Variants in PRDM11 observed in about 807,000 individuals in gnomAD.
PRDM11 encodes the protein PR domain-containing protein 11.
Under a neutral mutation model 97.8 loss-of-function variants are expected in PRDM11, and 20 were observed. That is an observed-to-expected ratio of 0.20 (90% CI 0.14 to 0.30). The LOEUF is 0.30. Ranked by LOEUF, PRDM11 falls within the 10% of genes least tolerant of loss-of-function variation. The probability of loss-of-function intolerance (pLI) is 1.00; values close to 1 mark genes in which losing one functional copy is unlikely to be tolerated. For missense variants in PRDM11, 1,139 were observed against 1,555.2 expected, an observed-to-expected ratio of 0.73 and a Z score of 4.50; for synonymous variants, 599 against 637.7, an observed-to-expected ratio of 0.94 and a Z score of 0.91.
At chr11:45,158,480 C>A (rs186625452) in intron 1 of PRDM11, among the ~76,000 whole-genome samples, 13 of 152,356 alleles carry the variant, frequency 8.5e-5, no homozygotes, top group South Asian at 2.1e-4. Context: ...CGGGGCTGGG[C>A]AGGCATTCTT....
intron 1 of PRDM11, among the ~76,000 whole-genome samples, chr11:45,119,737 C>G (rs1852389134): frequency 6.7e-6 from 1 of 149,214 alleles, no homozygotes; most frequent in Non-Finnish European, 1.5e-5. Flanking sequence ...ACAAGATTAT[C>G]AGTCCCTTAC....
At chr11:45,179,120 C>T (rs1162438608) in intron 1 of PRDM11, among the ~76,000 whole-genome samples, 2 of 152,162 alleles carry the variant, frequency 1.3e-5, no homozygotes, top group East Asian at 1.9e-4. Context: ...GAATGGCATA[C>T]AGGTGGGGCT....
intron 1 of PRDM11, among the ~76,000 whole-genome samples, chr11:45,168,458 G>A (rs187761437): frequency 0.011 from 1,700 of 152,292 alleles, 26 homozygotes; most frequent in South Asian, 0.013. Context: ...GTTCAGAAGG[G>A]TAGGGGCTGC....
At chr11:45,209,306 C>T in intron 5 of PRDM11, 1 of 357,656 alleles carries the variant, frequency 2.8e-6, no homozygotes, top group Non-Finnish European at 5.6e-6. Context: ...GTGAGTATCA[C>T]CAGTCCCCCC....
In PRDM11 at chr11:45,219,561, C is replaced by A. The variant is rs1302088745; in HGVS notation, c.555-9C>A. The A allele has an allele frequency of 6.2e-7, 1 of 1,611,058 alleles. No individual in the cohort carries two copies. The highest frequency in any genetic ancestry group is 8.5e-7 in the Non-Finnish European group (1 of 1,177,806). ...CCGTGCGTTCTCACCTGTCTCCCCTCCCCACCAGGTACGTGGTCATCTCCC... is the reference window on the plus strand; with the variant it reads ...CCGTGCGTTCTCACCTGTCTCCCCTACCCACCAGGTACGTGGTCATCTCCC... On this transcript the variant is annotated splice_polypyrimidine_tract_variant and intron_variant, in intron 5 of 7. Transcript: ENST00000683152. This position sits in a 1 kb window ranked among gnomAD's most constrained non-coding sequence, Gnocchi z 4.2.
At chr11:45,177,343 A>G (rs956808621) in intron 1 of PRDM11, among the ~76,000 whole-genome samples, 2 of 152,256 alleles carry the variant, frequency 1.3e-5, no homozygotes, top group African/African-American at 2.4e-5. Flanking sequence ...GGAATCCTCC[A>G]TGAAGCCTGC....
At chr11:45,165,757 A>G (rs1852048832) in intron 1 of PRDM11, among the ~76,000 whole-genome samples, 1 of 152,244 alleles carries the variant, frequency 6.6e-6, no homozygotes, top group Non-Finnish European at 1.5e-5. Context: ...ATGGAAAAAA[A>G]GAACAGTCAC....
In PRDM11 at chr11:45,201,082, C is replaced by G. The variant is rs1853309786; in HGVS notation, c.487-3629C>G. ...TGATTTCAAGCTACTAGCATGAAAT[C>G]ACTGAATGTGCAATTGGGAAGAAAT... On this transcript the variant is annotated intron_variant, in intron 4 of 7. Transcript: ENST00000683152. 2.0e-5 allele frequency among the ~76,000 whole-genome samples: 3 copies of G among 152,110 alleles called. No homozygotes were observed. In the South Asian group the frequency reaches 6.2e-4, roughly 32 times the overall value.
chr11:45,104,647 A>G (rs1448913720), intron 1 of PRDM11, among the ~76,000 whole-genome samples: 3 of 152,176 alleles, frequency 2.0e-5, no homozygotes, highest in Non-Finnish European at 4.4e-5. Flanking sequence ...GCAGAAACAC[A>G]GCCCAGGGAA....
intron 1 of PRDM11, among the ~76,000 whole-genome samples, chr11:45,111,777 G>C (rs1489946895): frequency 6.6e-6 from 1 of 152,070 alleles, no homozygotes; most frequent in Non-Finnish European, 1.5e-5. Context: ...CCATTGAGTT[G>C]GTCCATGAGA....
At chr11:45,142,468 C>T (rs763776131), upstream of PRDM11, among the ~76,000 whole-genome samples, 3 of 152,172 alleles carry the variant, frequency 2.0e-5, no homozygotes, top group African/African-American at 4.8e-5. Context: ...GAGATGCCTT[C>T]CCTGTCCTCA....
Position 45,191,298 on chromosome 11 carries a change from G to A in PRDM11, c.486+8175G>A, listed in dbSNP as rs181649246. Among the ~76,000 whole-genome samples the A allele has an allele frequency of 7.8e-4, 119 of 152,250 alleles. 1 individual carries two copies. The highest frequency in any genetic ancestry group is 2.5e-3 in the Admixed American group (38 of 15,296). On this transcript the variant is annotated intron_variant, in intron 4 of 7. Transcript: ENST00000683152. ...ACGGTGTGCCATCAGGAGGCACCTG[G>A]TGGCAGTTTGTCTTGTCTTTTACTC...
rs80218513 is a variant in PRDM11 at position 45,103,305 on chromosome 11, A to T, written c.96+7404A>T. Among the ~76,000 whole-genome samples the T allele has an allele frequency of 2.5e-3, 388 of 152,332 alleles. 1 individual carries two copies. Among genetic ancestry groups the T allele is most frequent in the African/African-American group, 8.8e-3 (367 of 41,572 alleles). ...CCTTTGGCGCCATCTGATGGTAGAC[A>T]TATGAAACTACAGCAAATGGGGGGA... On this transcript the variant is annotated intron_variant, in intron 1 of 6. Transcript: ENST00000530656.
At chr11:45,138,660 C>G (rs1056980192) in intron 1 of PRDM11, among the ~76,000 whole-genome samples, 1 of 152,148 alleles carries the variant, frequency 6.6e-6, no homozygotes, top group East Asian at 1.9e-4. Flanking sequence ...GGGCAACTCT[C>G]CACTAAGGAA....
At position 45,095,922 on chromosome 11, in the gene PRDM11, A is replaced by C. The variant is rs528958946; in HGVS notation, c.96+21A>C. The C allele has an allele frequency of 6.4e-6, 5 of 780,262 alleles. 1 individual carries two copies. In the Admixed American group the frequency reaches 6.8e-5, roughly 11 times the overall value. The allele number at this position is 780,262 out of a possible 1,614,324, so 48.3% of individuals were successfully genotyped here. On this transcript the variant is annotated intron_variant, in intron 1 of 6. Coordinates refer to the PRDM11 transcript ENST00000530656. ...AGAAAGTAAGTTGTTTAAGCTGCTA[A>C]TGTGGGGGCTCCTCAAAACGCTTGC...
At chr11:45,142,990 A>G (rs2135669392), upstream of PRDM11, among the ~76,000 whole-genome samples, 1 of 152,352 alleles carries the variant, frequency 6.6e-6, no homozygotes, top group South Asian at 2.1e-4. Context: ...GCAACTGCCA[A>G]AGCTGTTAGA....
chr11:45,124,296 A>T (rs1248896229), intron 1 of PRDM11, among the ~76,000 whole-genome samples: 2 of 152,198 alleles, frequency 1.3e-5, no homozygotes, highest in Non-Finnish European at 2.9e-5. Flanking sequence ...AAACAGGGAC[A>T]ATTTGACTTC....
intron 4 of PRDM11, among the ~76,000 whole-genome samples, chr11:45,202,206 G>A (rs146061525): frequency 5.3e-5 from 8 of 152,222 alleles, no homozygotes; most frequent in South Asian, 2.1e-4. Flanking sequence ...CCCTCCCTGC[G>A]TTAGGAACCA....
rs186471609 is a variant in PRDM11 at position 45,196,319 on chromosome 11, G to A, written c.487-8392G>A. On this transcript the variant is annotated intron_variant, in intron 4 of 7. Coordinates refer to ENST00000683152, the MANE Select transcript of PRDM11 (RefSeq NM_001384648.1). ...GGGGAGAGCTACCCAGGATGGATGC[G>A]CCGGTTGTGTACTTAACAGCTCCAT... Among the ~76,000 whole-genome samples, 5 of 152,232 alleles carry A rather than the reference G, an allele frequency of 3.3e-5. No homozygotes were observed. The East Asian group carries it at 9.7e-4, about 29-fold the overall frequency.
Sources: gnomAD v4.1 joint callset for allele counts (sites outside exome capture counted in the v4.1 genomes callset) on GRCh38, gnomAD v4.1.1 for gene constraint, Gnocchi (gnomAD v3.1) non-coding constraint, MANE v1.5 for transcripts, NCBI Gene and HGNC (gene_info 2026-07-23, HGNC 2026-07-21) for gene names.